The following EXPH5 variants were observed in gnomAD, a reference collection of about 807,000 sequenced individuals.
EXPH5 encodes exophilin-5.
In EXPH5, 42 loss-of-function variants were observed where a neutral mutation model predicts 41.1. The observed-to-expected ratio is 1.02, with a 90% CI of 0.80 to 1.32. The LOEUF (loss-of-function observed/expected upper bound fraction) is 1.32. Ranked by LOEUF, EXPH5 falls within the 40% of genes most tolerant of loss-of-function variation. EXPH5 has a pLI of 0.00. For synonymous variants in EXPH5, 798 were observed against 833.5 expected, an observed-to-expected ratio of 0.96 and a Z score of 0.73; for missense variants, 2,298 against 2,314.5, an observed-to-expected ratio of 0.99 and a Z score of 0.15.
At chr11:108,534,920 C>T (rs1330263340) in intron 3 of EXPH5, among the ~76,000 whole-genome samples, 1 of 152,240 alleles carries the variant, frequency 6.6e-6, no homozygotes, top group South Asian at 2.1e-4. Context: ...GCCTGCCTGA[C>T]CTATGCAGCA....
intron 1 of EXPH5, among the ~76,000 whole-genome samples, chr11:108,578,261 C>G (rs537981062): frequency 1.1e-4 from 17 of 152,248 alleles, no homozygotes; most frequent in African/African-American, 3.9e-4. Context: ...TATGGATATT[C>G]AGTTTTCCCA....
chr11:108,535,270 A>G (rs187021793), intron 3 of EXPH5, among the ~76,000 whole-genome samples: 2 of 152,332 alleles, frequency 1.3e-5, no homozygotes, highest in Admixed American at 1.3e-4. Flanking sequence ...ACAATTGTTG[A>G]TGAGATTCTA....
chr11:108,605,507 T>C, the EXPH5 span, among the ~76,000 whole-genome samples: 1 of 152,178 alleles, frequency 6.6e-6, no homozygotes, highest in African/African-American at 2.4e-5. Context: ...GGTACCAGCA[T>C]CTACAGGGTA....
chr11:108,532,516 G>C (rs898605204), intron 3 of EXPH5, among the ~76,000 whole-genome samples: 7 of 149,442 alleles, frequency 4.7e-5, no homozygotes. Flanking sequence ...TGCTTGATCT[G>C]GGATTTTTAC....
At chr11:108,596,192 C>CA (rs371605941), upstream of EXPH5, among the ~76,000 whole-genome samples, 276 of 144,024 alleles carry the variant, frequency 1.9e-3, no homozygotes, top group African/African-American at 3.4e-3. Flanking sequence ...GAGACTCTGT[C>CA]AAAAAAAAAA....
In EXPH5 at chr11:108,525,918, C is replaced by CTT. The variant is rs11390097; in HGVS notation, c.492+2216_492+2217dup. Among the ~76,000 whole-genome samples the CTT allele has an allele frequency of 1.4e-3, 192 of 132,626 alleles. 2 individuals carry two copies. The highest frequency in any genetic ancestry group is 4.4e-3 in the South Asian group (18 of 4,074). 87.0% of individuals were successfully genotyped at this position (132,626 alleles called of 152,430 possible). A position where few individuals can be genotyped will look rare whatever the true frequency, so the allele number is the denominator to read the frequency against. ...TTTTTTAAATTTTTCTTTTTCTTTT[C>CTT]TTTTTTTTTTTTTTGAGACAGGATA... is the stretch of plus-strand genomic sequence containing the variant. On this transcript the variant is annotated intron_variant, in intron 4 of 5. Coordinates refer to ENST00000265843, the MANE Select transcript of EXPH5 (RefSeq NM_015065.3).
chr11:108,512,243 T>C lies in EXPH5; in HGVS notation c.3264A>G (p.Ser1088=), dbSNP rs753238307. 1 of 1,610,512 alleles carries C rather than the reference T, an allele frequency of 6.2e-7. No individual in the cohort carries two copies. The highest frequency in any genetic ancestry group is 8.5e-7 in the Non-Finnish European group (1 of 1,178,916). ...CTGTGGCTTCAGGTGCTTCCAGGGC[T>C]GAGTCTGAAAGGACTTTGGAACATT... ...ANECSKVLSD[S]ALEAPEATER... Residue 1088 remains serine (S), a synonymous_variant, in exon 6 of 6, where the codon TCA becomes TCG. Transcript: ENST00000265843.
intron 1 of EXPH5, among the ~76,000 whole-genome samples, chr11:108,545,659 T>G (rs936962939): frequency 6.6e-6 from 1 of 152,096 alleles, no homozygotes; most frequent in Non-Finnish European, 1.5e-5. Context: ...ATCCCAGTGC[T>G]TTGGGAAGCA....
chr11:108,517,635 T>C (rs1383053403), intron 5 of EXPH5, among the ~76,000 whole-genome samples: 1 of 152,244 alleles, frequency 6.6e-6, no homozygotes, highest in African/African-American at 2.4e-5. Flanking sequence ...TTTATCATCA[T>C]ACAAGGTTAA....
the EXPH5 span, among the ~76,000 whole-genome samples, chr11:108,600,835 T>C: frequency 3.3e-5 from 5 of 152,266 alleles, no homozygotes; most frequent in African/African-American, 1.2e-4. Context: ...ATCTTTGTTG[T>C]TTCACATGGT....
At chr11:108,553,887 T>C (rs1386458085) in intron 1 of EXPH5, among the ~76,000 whole-genome samples, 1 of 152,216 alleles carries the variant, frequency 6.6e-6, no homozygotes, top group Non-Finnish European at 1.5e-5. Context: ...TAATCATAGC[T>C]AACAGTTACA....
chr11:108,568,204 A>T (rs2094043699), intron 1 of EXPH5: 2 of 150,112 alleles, frequency 1.3e-5, no homozygotes, highest in African/African-American at 5.0e-5. Context: ...CTCAATAATC[A>T]GTTGGCCTTA....
intron 1 of EXPH5, among the ~76,000 whole-genome samples, chr11:108,569,292 T>C (rs1420760702): frequency 6.6e-6 from 1 of 151,730 alleles, no homozygotes; most frequent in Non-Finnish European, 1.5e-5. Flanking sequence ...GTGACTATCT[T>C]ATCATTCGTC....
At chr11:108,572,448 C>G (rs188032477) in intron 1 of EXPH5, among the ~76,000 whole-genome samples, 513 of 152,288 alleles carry the variant, frequency 3.4e-3, no homozygotes, top group African/African-American at 0.012. Context: ...ACAATGATCT[C>G]CTAAGGATCC....
intron 1 of EXPH5, 43 bp from the exon 2 acceptor site, chr11:108,541,855 T>C: frequency 6.8e-7 from 1 of 1,460,368 alleles, no homozygotes; most frequent in Non-Finnish European, 9.3e-7. Flanking sequence ...ATTTATTTTC[T>C]TAACATCAAG....
chr11:108,557,683 T>C (rs1316086864), intron 1 of EXPH5, among the ~76,000 whole-genome samples: 1 of 152,170 alleles, frequency 6.6e-6, no homozygotes, highest in African/African-American at 2.4e-5. Flanking sequence ...AATCTTCTTT[T>C]GAAATTATCC....
At chr11:108,552,468 A>G (rs2093970878) in intron 1 of EXPH5, among the ~76,000 whole-genome samples, 2 of 152,228 alleles carry the variant, frequency 1.3e-5, no homozygotes, top group African/African-American at 4.8e-5. Flanking sequence ...AGCAACAACA[A>G]CAGTAACAGC....
chr11:108,555,937 C>T lies in EXPH5; in HGVS notation c.120-14125G>A, dbSNP rs746414557. Among the ~76,000 whole-genome samples, 26 of 152,148 alleles carry T rather than the reference C, an allele frequency of 1.7e-4. 1 individual carries two copies. The highest frequency in any genetic ancestry group is 5.3e-4 in the African/African-American group (22 of 41,440). On this transcript the variant is annotated intron_variant, in intron 1 of 5. Transcript: ENST00000265843. ...GCTTTCATAGCAGCGTGAGAACGGA[C>T]GTATACAAGCCCCTATCTGTCTCCC...
chr11:108,599,754 C>T, the EXPH5 span, among the ~76,000 whole-genome samples: 1 of 152,140 alleles, frequency 6.6e-6, no homozygotes, highest in African/African-American at 2.4e-5. Flanking sequence ...TCAAGTAACA[C>T]CTGGAAAAGA....
Sources: allele counts gnomAD v4.1 joint callset (sites outside exome capture counted in the v4.1 genomes callset), GRCh38; gene constraint gnomAD v4.1.1; transcripts MANE v1.5; gene names NCBI Gene and HGNC (gene_info 2026-07-23, HGNC 2026-07-21).